SCN1A: variants seen among roughly 807,000 people sequenced by gnomAD.
The protein encoded by SCN1A is sodium voltage-gated channel alpha subunit 1, also known as sodium channel protein type 1 subunit alpha.
In SCN1A, 13 loss-of-function variants were observed where a neutral mutation model predicts 193.7. The observed-to-expected ratio is 0.07, with a 90% CI of 0.04 to 0.11. SCN1A has a LOEUF of 0.11. SCN1A is among the 10% of genes least tolerant of loss of function. The pLI, the probability that SCN1A is intolerant of heterozygous loss-of-function variation, is 1.00. For missense variants in SCN1A, 1,432 were observed against 2,451.1 expected, an observed-to-expected ratio of 0.58 and a Z score of 8.78; for synonymous variants, 781 against 843.6, an observed-to-expected ratio of 0.93 and a Z score of 1.29.
chr2:166,091,983 C>G (rs2106087567), intron 2 of SCN1A, among the ~76,000 whole-genome samples: 1 of 152,258 alleles, frequency 6.6e-6, no homozygotes, highest in East Asian at 1.9e-4. Flanking sequence ...CATTCTAACA[C>G]AAGTGTTATC....
chr2:166,035,695 G>C (rs1385293827), intron 19 of SCN1A, among the ~76,000 whole-genome samples: 1 of 152,116 alleles, frequency 6.6e-6, no homozygotes, highest in African/African-American at 2.4e-5. Flanking sequence ...CTAAAGGAAA[G>C]CATGATTTAT....
Position 165,994,299 on chromosome 2 carries a change from C to T in SCN1A, c.4699G>A (p.Glu1567Lys), listed in dbSNP as rs1037225738. 1.9e-6 allele frequency: 3 copies of T among 1,613,174 alleles called. No individual in the cohort carries two copies. Among genetic ancestry groups the T allele is most frequent in the African/African-American group, 2.7e-5 (2 of 74,972 alleles). Residue 1567 changes from glutamate to lysine, a missense_variant, in exon 28 of 29, where the codon GAA becomes AAA. This residue lies in a region of SCN1A where 85 missense variants were observed against 119.1 expected (regional missense o/e 0.71). Transcript: ENST00000674923. ...CGTGACAAAATGGTAGTCACATATT[C>T]ACTCTGGTCATCTGTTTCCACCATC... ...TMMVETDDQS[E>K]YVTTILSRIN...
intron 2 of SCN1A, among the ~76,000 whole-genome samples, chr2:166,117,016 C>T (rs967575336): frequency 2.0e-5 from 3 of 152,148 alleles, no homozygotes; most frequent in African/African-American, 7.2e-5. Context: ...CTGTTGAGCT[C>T]ATGGTGGCAG....
At chr2:165,996,570 C>T (rs572143802) in intron 26 of SCN1A, among the ~76,000 whole-genome samples, 1 of 151,524 alleles carries the variant, frequency 6.6e-6, no homozygotes, top group Non-Finnish European at 1.5e-5. Context: ...CACTCTAACT[C>T]TGTCAAGAAT....
At chr2:166,147,620 C>A (rs577404196) in intron 1 of SCN1A, among the ~76,000 whole-genome samples, 1 of 152,132 alleles carries the variant, frequency 6.6e-6, no homozygotes, top group South Asian at 2.1e-4. Context: ...CTGAGTAAAA[C>A]CTGGTCTGAT....
Position 166,043,894 on chromosome 2 carries a change from A to G in SCN1A, c.1818T>C (p.Asp606=), listed in dbSNP as rs727504141. 6.2e-7 allele frequency: 1 copy of G among 1,613,978 alleles called. No homozygotes were observed. The highest frequency in any genetic ancestry group is 8.5e-7 in the Non-Finnish European group (1 of 1,180,012). The change falls in exon 14 of 29, where the codon GAT becomes GAC. Residue 606 remains aspartate, a synonymous_variant. Coordinates refer to ENST00000674923, the MANE Select transcript of SCN1A (RefSeq NM_001165963.4). ...CGTGTCGTCGGGGCACAAACAAGGA[A>G]TCTCTACGGCTCTCGTTATCCTCAA... is the stretch of plus-strand genomic sequence containing the variant. ...STFEDNESRR[D]SLFVPRRHGE...
intron 4 of SCN1A, among the ~76,000 whole-genome samples, chr2:166,065,326 G>A (rs1683719819): frequency 2.0e-5 from 3 of 152,062 alleles, no homozygotes; most frequent in Admixed American, 1.3e-4. Flanking sequence ...GAGGAGAGAT[G>A]CTTCAAAGTT....
intron 1 of SCN1A, among the ~76,000 whole-genome samples, chr2:166,137,954 T>G (rs912560599): frequency 6.6e-6 from 1 of 152,174 alleles, no homozygotes; most frequent in Non-Finnish European, 1.5e-5. Flanking sequence ...GATGAATAAC[T>G]TGTTGGGAAC....
chr2:166,052,904 T>G lies in SCN1A; in HGVS notation c.642A>C (p.Ala214=). 6.2e-7 allele frequency: 1 copy of G among 1,612,542 alleles called. No homozygotes were observed. The highest frequency in any genetic ancestry group is 8.5e-7 in the Non-Finnish European group (1 of 1,179,118). The change falls in exon 8 of 29, where the codon GCA becomes GCC. Residue 214 remains alanine, a synonymous_variant. Transcript: ENST00000674923. ...CTCGGAGAACTCTGAATGTTCTCAA[T>G]GCCGAGACATTGCCCAGGTCCACAA... The part of the protein sequence containing the change: ...TEFVDLGNVS[A]LRTFRVLRAL...
At chr2:166,102,430 A>G (rs1304182703) in intron 2 of SCN1A, among the ~76,000 whole-genome samples, 1 of 150,070 alleles carries the variant, frequency 6.7e-6, no homozygotes, top group Admixed American at 6.7e-5. Context: ...CAGGAGGCGG[A>G]GCTTGGAGTG....
At chr2:166,045,357 G>T (rs1452205916) in intron 12 of SCN1A, 30 bp from the exon 13 acceptor site, 6 of 1,611,184 alleles carry the variant, frequency 3.7e-6, no homozygotes, top group Non-Finnish European at 5.1e-6. Flanking sequence ...TTTTAACATA[G>T]CACCTGAAGA....
In SCN1A at chr2:165,987,675, A is replaced by G. The variant is rs1559090431; in HGVS notation, c.*3570T>C. The G allele has an allele frequency of 6.6e-6, 1 of 152,156 alleles. No homozygotes were observed. The highest frequency in any genetic ancestry group is 1.5e-5 in the Non-Finnish European group (1 of 68,014). 9.4% of individuals were successfully genotyped at this position (152,156 alleles called of 1,614,324 possible). A position where few individuals can be genotyped will look rare whatever the true frequency, so the allele number is the denominator to read the frequency against. ...ATTTGGCCAGTGGGAAGCCCCTTCT[A>G]GTTGGTTCCTGTGTCTTACTGACAT... On this transcript the variant is annotated 3_prime_UTR_variant, in exon 29 of 29. Coordinates refer to ENST00000674923, the MANE Select transcript of SCN1A (RefSeq NM_001165963.4).
chr2:166,022,443 G>C (rs1021724112), intron 19 of SCN1A, among the ~76,000 whole-genome samples: 3 of 152,156 alleles, frequency 2.0e-5, no homozygotes, highest in African/African-American at 7.2e-5. Context: ...TATTAAAAAA[G>C]TTATTTCAGG....
chr2:166,099,540 G>T (rs1168856073), intron 2 of SCN1A, among the ~76,000 whole-genome samples: 1 of 125,730 alleles, frequency 8.0e-6, no homozygotes, highest in Non-Finnish European at 1.6e-5. Context: ...GGAAATAAAG[G>T]GTATTCAATT....
At chr2:166,065,323 G>C (rs1199716622) in intron 4 of SCN1A, among the ~76,000 whole-genome samples, 3 of 152,098 alleles carry the variant, frequency 2.0e-5, no homozygotes, top group Admixed American at 6.6e-5. Context: ...CAAGAGGAGA[G>C]ATGCTTCAAA....
At chr2:165,996,455 A>G (rs17791817) in intron 26 of SCN1A, 3 of 198,422 alleles carry the variant, frequency 1.5e-5, no homozygotes, top group South Asian at 1.7e-4. Context: ...TATACTATAC[A>G]TACTACCTTT....
chr2:166,090,023 TCTTTCC>T (rs1405491881), intron 2 of SCN1A, among the ~76,000 whole-genome samples: 10 of 145,100 alleles, frequency 6.9e-5, no homozygotes, highest in African/African-American at 5.1e-5. Flanking sequence ...CTTCCTTCCT[TCTTTCC>T]TTTTTTTTTT....
chr2:166,062,815 G>T (rs1318009588), intron 4 of SCN1A, among the ~76,000 whole-genome samples: 2 of 151,946 alleles, frequency 1.3e-5, no homozygotes, highest in Non-Finnish European at 2.9e-5. Flanking sequence ...GTATTGGTTA[G>T]CTTATTATAG....
At chr2:166,108,028 A>G (rs1688880062) in intron 2 of SCN1A, among the ~76,000 whole-genome samples, 1 of 152,046 alleles carries the variant, frequency 6.6e-6, no homozygotes, top group African/African-American at 2.4e-5. Flanking sequence ...GAAAGAACGT[A>G]TTTGCAAATC....
Sources: allele counts gnomAD v4.1 joint callset (sites outside exome capture counted in the v4.1 genomes callset), GRCh38; gene constraint gnomAD v4.1.1; regional missense constraint gnomAD v4.1.1; transcripts MANE v1.5; gene names NCBI Gene and HGNC (gene_info 2026-07-23, HGNC 2026-07-21).